The following MTERF4 variants were observed in gnomAD, a reference collection of about 807,000 sequenced individuals.
MTERF4 encodes transcription termination factor 4, mitochondrial.
A neutral mutation model predicts 22.5 loss-of-function variants in MTERF4; 17 were observed. That is an observed-to-expected ratio of 0.75 (90% CI 0.52 to 1.13). The LOEUF (loss-of-function observed/expected upper bound fraction) is 1.13. MTERF4 is among the 50% of genes most tolerant of loss of function. The probability of loss-of-function intolerance (pLI) is 0.00; values close to 1 mark genes in which losing one functional copy is unlikely to be tolerated. For synonymous variants in MTERF4, 165 were observed against 175.3 expected, an observed-to-expected ratio of 0.94 and a Z score of 0.47; for missense variants, 420 against 466.8, an observed-to-expected ratio of 0.90 and a Z score of 0.92.
downstream of MTERF4, chr2:241,071,339 G>A (rs1295069606): frequency 2.4e-5 from 14 of 591,084 alleles, no homozygotes; most frequent in African/African-American, 1.1e-4. Flanking sequence ...GCCAGTGCAC[G>A]CCTGTGTCAT....
chr2:241,072,435 A>C, exon 5 of MTERF4: 1 of 358,696 alleles, frequency 2.8e-6, no homozygotes, highest in Non-Finnish European at 5.5e-6. Context: ...TGTTGGCAGG[A>C]GTGAGGCAGG....
rs374177161 is a variant in MTERF4, at chr2:241,099,473, C to G, written c.443G>C (p.Ser148Thr). ...AATAGGCAGTTTCAATAACTGGGGA[C>G]TTTTCTTCAAGACCACACACACAGG... ...PEPVCVVLKK[S>T]PQLLKLPIMQ... Residue 148 changes from serine (S) to threonine (T), a missense_variant, in exon 2 of 4, where the codon AGT becomes ACT. Transcript: ENST00000391980. 1.9e-6 allele frequency: 3 copies of G among 1,614,190 alleles called. No individual in the cohort carries two copies. Among genetic ancestry groups the G allele is most frequent in the Non-Finnish European group, 2.5e-6 (3 of 1,180,042 alleles).
the MTERF4 span, among the ~76,000 whole-genome samples, chr2:241,060,856 G>A: frequency 4.3e-4 from 66 of 152,158 alleles, no homozygotes; most frequent in African/African-American, 1.1e-3. Flanking sequence ...ACTTGAAACC[G>A]GAGTTCAAAG....
chr2:241,049,116 C>T, the MTERF4 span: 14 of 1,611,588 alleles, frequency 8.7e-6, no homozygotes, highest in African/African-American at 2.7e-5. Flanking sequence ...TCTGCCACAC[C>T]GACCACAATG....
chr2:241,057,412 T>TATATATATATATATATATATGC, the MTERF4 span, among the ~76,000 whole-genome samples: 1 of 129,374 alleles, frequency 7.7e-6, no homozygotes, highest in African/African-American at 3.0e-5. Flanking sequence ...TATATATATA[T>TATATATATATATATATATATGC]GCCATACGCA....
chr2:241,094,482 C>T (rs780686568), downstream of MTERF4: 22 of 460,708 alleles, frequency 4.8e-5, no homozygotes, highest in South Asian at 3.4e-4. The surrounding 1 kb of genome is among the most constrained non-coding windows in gnomAD (Gnocchi z 4.3). Flanking sequence ...CCCACAATTG[C>T]ATGCAGCTCA....
chr2:241,064,919 C>T, the MTERF4 span: 1 of 1,586,634 alleles, frequency 6.3e-7, no homozygotes, highest in Non-Finnish European at 8.5e-7. This position sits in a 1 kb window ranked among gnomAD's most constrained non-coding sequence, Gnocchi z 7.0. Context: ...CACAGCTGCA[C>T]CTGCAAAGTG....
the MTERF4 span, chr2:241,063,536 G>A: frequency 8.1e-7 from 1 of 1,229,148 alleles, no homozygotes; most frequent in Non-Finnish European, 1.2e-6. Flanking sequence ...GGGGCATGTG[G>A]GCGCCTCAGA....
At chr2:241,060,929 C>CA in the MTERF4 span, among the ~76,000 whole-genome samples, 4,027 of 141,088 alleles carry the variant, frequency 0.029, 335 homozygotes, top group East Asian at 0.22. Context: ...GACCCTGTCT[C>CA]AAAAAAAAAC....
intron 4 of MTERF4, chr2:241,081,638 G>C: frequency 1.4e-6 from 2 of 1,451,982 alleles, no homozygotes; most frequent in South Asian, 2.4e-5. Context: ...GCCTGTCCTG[G>C]GGTTCCAGTG....
the MTERF4 span, among the ~76,000 whole-genome samples, chr2:241,052,759 A>G: frequency 2.7e-4 from 33 of 121,018 alleles, 1 homozygote; most frequent in East Asian, 4.0e-3. Flanking sequence ...CCGGGGGGCC[A>G]AGCAGGGTAC....
At chr2:241,055,964 T>C in the MTERF4 span, among the ~76,000 whole-genome samples, 1 of 152,252 alleles carries the variant, frequency 6.6e-6, no homozygotes, top group Non-Finnish European at 1.5e-5. Context: ...CGCTACCTAG[T>C]AGAGAATACA....
downstream of MTERF4, among the ~76,000 whole-genome samples, chr2:241,070,512 C>T (rs559887404): frequency 1.8e-3 from 267 of 152,348 alleles, no homozygotes; most frequent in African/African-American, 5.9e-3. Context: ...AGGGTGGCAG[C>T]GAGGAGGAAG....
chr2:241,095,843 G>T lies in MTERF4; in HGVS notation c.*155C>A. 2 of 1,366,978 alleles carry T rather than the reference G, an allele frequency of 1.5e-6. No homozygotes were observed. The highest frequency in any genetic ancestry group is 2.0e-6 in the Non-Finnish European group (2 of 1,011,102). The allele number at this position is 1,366,978 out of a possible 1,614,324, so 84.7% of individuals were successfully genotyped here. A position where few individuals can be genotyped will look rare whatever the true frequency, so the allele number is the denominator to read the frequency against. ...GTTTCCTGTTTGGTTTGATCTGTCT[G>T]CCTCTCAGGTGACTTATAATTTTTT... On this transcript the variant is annotated 3_prime_UTR_variant, in exon 4 of 4. Coordinates refer to ENST00000391980, the MANE Select transcript of MTERF4 (RefSeq NM_182501.4).
the MTERF4 span, chr2:241,048,241 A>T: frequency 5.4e-6 from 8 of 1,468,472 alleles, no homozygotes; most frequent in African/African-American, 1.1e-4. Flanking sequence ...CAAAGGTGCC[A>T]TTGGAGCTGG....
downstream of MTERF4, chr2:241,067,799 G>T: frequency 6.2e-7 from 1 of 1,612,240 alleles, no homozygotes; most frequent in Non-Finnish European, 8.5e-7. Context: ...GGTCACCAAT[G>T]TGACGGCTAG....
intron 4 of MTERF4, among the ~76,000 whole-genome samples, chr2:241,080,261 G>A (rs1327572002): frequency 3.9e-5 from 6 of 152,202 alleles, no homozygotes; most frequent in Admixed American, 3.3e-4. Context: ...TCCAGCCTGG[G>A]CAACAGAGCA....
chr2:241,072,475 G>C (rs1444833204), exon 5 of MTERF4: 2 of 347,760 alleles, frequency 5.8e-6, no homozygotes, highest in African/African-American at 4.3e-5. Context: ...GGACCTCTCT[G>C]GCCCTTGCCT....
In MTERF4 at chr2:241,078,394, AAAAAG is replaced by A. The variant is rs528764686; in HGVS notation, n.480-2717_480-2713del. 6.9e-3 allele frequency among the ~76,000 whole-genome samples: 1,052 copies of A among 151,452 alleles called. 29 individuals carry two copies. The highest frequency in any genetic ancestry group is 0.022 in the African/African-American group (890 of 40,910). On this transcript the variant is annotated intron_variant and non_coding_transcript_variant, in intron 4 of 4. Coordinates refer to the MTERF4 transcript ENST00000464344. ...CTAGACTCCGTCTCAAAAAAAAAAAAAAAAGAAAGAAAGAAAAGAAAGGATAAGCA... is the reference window on the plus strand; with the variant it reads ...CTAGACTCCGTCTCAAAAAAAAAAAAAAAGAAAGAAAAGAAAGGATAAGCA...
Sources: gnomAD v4.1 joint callset for allele counts (sites outside exome capture counted in the v4.1 genomes callset) on GRCh38, gnomAD v4.1.1 for gene constraint, Gnocchi (gnomAD v3.1) non-coding constraint, MANE v1.5 for transcripts, NCBI Gene and HGNC (gene_info 2026-07-23, HGNC 2026-07-21) for gene names.